Variants in FBXL7 observed in about 807,000 individuals in gnomAD.
The protein encoded by FBXL7 is F-box/LRR-repeat protein 7.
In FBXL7, 12 loss-of-function variants were observed where a neutral mutation model predicts 38.3. The ratio of observed to expected loss-of-function variants is 0.31; its 90% CI spans 0.20 to 0.51. The LOEUF is 0.51. Among genes scored for constraint, FBXL7 ranks in the 20% least tolerant of loss-of-function variants. FBXL7 has a pLI of 0.98. For missense variants in FBXL7, 567 were observed against 676.4 expected (o/e 0.84, Z 1.79); for synonymous variants, 297 against 300.9 (o/e 0.99, Z 0.13).
At chr5:15,570,707 C>T (rs1051230613) in intron 1 of FBXL7, among the ~76,000 whole-genome samples, 19 of 152,286 alleles carry the variant, frequency 1.2e-4, no homozygotes, top group Admixed American at 1.1e-3. Context: ...TCCTGCAGCT[C>T]CACACACGGC....
chr5:15,714,587 G>A (rs1321705751), intron 2 of FBXL7, among the ~76,000 whole-genome samples: 1 of 151,924 alleles, frequency 6.6e-6, no homozygotes, highest in African/African-American at 2.4e-5. Context: ...AGGAGCAGTG[G>A]CTCACGCCTA....
chr5:15,551,787 G>T (rs1738080567), intron 1 of FBXL7, among the ~76,000 whole-genome samples: 1 of 152,166 alleles, frequency 6.6e-6, no homozygotes, highest in Admixed American at 6.5e-5. Context: ...TGGATACAGT[G>T]CTTTTGATCT....
At chr5:15,875,212 G>A (rs1265229785) in intron 2 of FBXL7, among the ~76,000 whole-genome samples, 1 of 152,176 alleles carries the variant, frequency 6.6e-6, no homozygotes, top group Non-Finnish European at 1.5e-5. Flanking sequence ...CTAGCCATAG[G>A]CAGAAAGTTG....
intron 2 of FBXL7, among the ~76,000 whole-genome samples, chr5:15,681,380 T>C (rs867718573): frequency 6.6e-6 from 1 of 152,208 alleles, no homozygotes; most frequent in Non-Finnish European, 1.5e-5. Context: ...TAAGCAGCTT[T>C]AAAAATGTTG....
intron 2 of FBXL7, among the ~76,000 whole-genome samples, chr5:15,905,934 C>G (rs887502765): frequency 6.7e-6 from 1 of 149,246 alleles, no homozygotes. Context: ...GGAAGTGTAA[C>G]CAACTAGGAT....
chr5:15,832,837 C>A (rs1383861361), intron 2 of FBXL7, among the ~76,000 whole-genome samples: 2 of 152,004 alleles, frequency 1.3e-5, no homozygotes, highest in African/African-American at 4.8e-5. Flanking sequence ...TTGGCTGTGT[C>A]CCCACCCAAA....
chr5:15,689,513 C>T (rs1440387660), intron 2 of FBXL7, among the ~76,000 whole-genome samples: 1 of 152,128 alleles, frequency 6.6e-6, no homozygotes, highest in Non-Finnish European at 1.5e-5. Context: ...CTGTGTTCCT[C>T]CTCTTATCTG....
chr5:15,681,423 T>C (rs1334151102), intron 2 of FBXL7, among the ~76,000 whole-genome samples: 1 of 152,200 alleles, frequency 6.6e-6, no homozygotes, highest in East Asian at 1.9e-4. Context: ...AAAAATGTTC[T>C]CAACATATTG....
intron 2 of FBXL7, among the ~76,000 whole-genome samples, chr5:15,760,164 A>G (rs898188014): frequency 1.8e-4 from 28 of 152,038 alleles, no homozygotes; most frequent in Admixed American, 7.2e-4. Flanking sequence ...CCAGCCCCCT[A>G]TTGGGGTAAG....
rs1033690061 is a variant in FBXL7 at position 15,863,386 on chromosome 5, C to G, written c.128-64504C>G. Among the ~76,000 whole-genome samples the G allele has an allele frequency of 3.9e-5, 6 of 152,036 alleles. 1 individual carries two copies. Among genetic ancestry groups the G allele is most frequent in the Admixed American group, 3.3e-4 (5 of 15,258 alleles). ...AAAAGTCTTTTTTCATGTGCTTTTG[C>G]CAGAGAATATAGAGTTATATTCACA... On this transcript the variant is annotated intron_variant, in intron 2 of 3. Transcript: ENST00000504595.
intron 1 of FBXL7, among the ~76,000 whole-genome samples, chr5:15,531,146 C>CA: frequency 6.6e-6 from 1 of 151,816 alleles, no homozygotes; most frequent in East Asian, 1.9e-4. Context: ...TATATATGTC[C>CA]AAAAAAGAAA....
intron 1 of FBXL7, among the ~76,000 whole-genome samples, chr5:15,573,653 C>T (rs1482914964): frequency 2.0e-5 from 3 of 152,166 alleles, no homozygotes; most frequent in Non-Finnish European, 4.4e-5. Flanking sequence ...GCAGTGACTT[C>T]TGCCAATGTC....
chr5:15,748,965 C>T (rs1303388685), intron 2 of FBXL7, among the ~76,000 whole-genome samples: 1 of 152,252 alleles, frequency 6.6e-6, no homozygotes, highest in South Asian at 2.1e-4. Context: ...CAACAGTTAG[C>T]CTCGCACGGT....
chr5:15,643,422 CTG>C (rs2126559473), intron 2 of FBXL7, among the ~76,000 whole-genome samples: 1 of 152,316 alleles, frequency 6.6e-6, no homozygotes, highest in Non-Finnish European at 1.5e-5. Flanking sequence ...GAAACACACA[CTG>C]GGGTTTTCAT....
chr5:15,665,922 TC>T, intron 2 of FBXL7, among the ~76,000 whole-genome samples: 1 of 152,306 alleles, frequency 6.6e-6, no homozygotes, highest in African/African-American at 2.4e-5. Context: ...AATCTTTTTA[TC>T]TCAGGATCTG....
chr5:15,660,256 A>G lies in FBXL7; in HGVS notation c.127+44184A>G, dbSNP rs537073290. ...CTTTCTCAGTTTTGACTTTTTCTCA[A>G]AGAAAGTGGATACTTATCATTAACA... is the stretch of plus-strand genomic sequence containing the variant. On this transcript the variant is annotated intron_variant, in intron 2 of 3. Transcript: ENST00000504595. Among the ~76,000 whole-genome samples the G allele has an allele frequency of 4.6e-5, 7 of 152,334 alleles. No homozygotes were observed. The South Asian group carries it at 1.2e-3, about 27-fold the overall frequency.
intron 2 of FBXL7, among the ~76,000 whole-genome samples, chr5:15,922,551 G>T (rs1407063628): frequency 6.6e-6 from 1 of 152,148 alleles, no homozygotes; most frequent in Non-Finnish European, 1.5e-5. Flanking sequence ...CCCATTTTCA[G>T]TTACCAAAAG....
At chr5:15,574,181 A>G (rs1738883541) in intron 1 of FBXL7, among the ~76,000 whole-genome samples, 1 of 152,228 alleles carries the variant, frequency 6.6e-6, no homozygotes, top group African/African-American at 2.4e-5. Flanking sequence ...TCTAAAATTC[A>G]GAAATACTTT....
intron 2 of FBXL7, among the ~76,000 whole-genome samples, chr5:15,654,434 G>A (rs1264919909): frequency 7.8e-4 from 74 of 94,450 alleles, no homozygotes; most frequent in African/African-American, 3.1e-3. Context: ...AAAAAAAAAG[G>A]CAAAACTGTT....
Sources: allele counts gnomAD v4.1 joint callset (sites outside exome capture counted in the v4.1 genomes callset), GRCh38; gene constraint gnomAD v4.1.1; transcripts MANE v1.5; gene names NCBI Gene and HGNC (gene_info 2026-07-23, HGNC 2026-07-21).